PPM1E: variants seen among roughly 807,000 people sequenced by gnomAD.
PPM1E encodes protein phosphatase, Mg2+/Mn2+ dependent 1E, also known as protein phosphatase 1E.
Under a neutral mutation model 65.9 loss-of-function variants are expected in PPM1E, and 20 were observed. That is an observed-to-expected ratio of 0.30 (90% CI 0.21 to 0.44). The LOEUF (loss-of-function observed/expected upper bound fraction) is 0.44, where lower values mean the gene tolerates loss of function less well. PPM1E is among the 20% of genes least tolerant of loss of function. The probability of loss-of-function intolerance (pLI) is 1.00; values close to 1 mark genes in which losing one functional copy is unlikely to be tolerated. For missense variants in PPM1E, 713 were observed against 953.1 expected, an observed-to-expected ratio of 0.75 and a Z score of 3.32; for synonymous variants, 352 against 374.9, an observed-to-expected ratio of 0.94 and a Z score of 0.70.
chr17:58,764,529 G>C (rs777869425), intron 1 of PPM1E, among the ~76,000 whole-genome samples: 5 of 151,942 alleles, frequency 3.3e-5, no homozygotes, highest in Non-Finnish European at 7.4e-5. Context: ...TCAAACTTCT[G>C]GGCTCAAGGG....
intron 1 of PPM1E, among the ~76,000 whole-genome samples, chr17:58,864,704 G>A (rs187752583): frequency 1.4e-4 from 22 of 152,004 alleles, no homozygotes; most frequent in African/African-American, 5.1e-4. Flanking sequence ...TTGAGAGGCA[G>A]AGGTGGGTGG....
chr17:58,794,996 C>T (rs2050192617), intron 1 of PPM1E, among the ~76,000 whole-genome samples: 1 of 151,416 alleles, frequency 6.6e-6, no homozygotes, highest in Admixed American at 6.6e-5. Flanking sequence ...TCAAGCAATC[C>T]TTGTGCCTCA....
intron 1 of PPM1E, among the ~76,000 whole-genome samples, chr17:58,809,697 C>T (rs2050347771): frequency 1.3e-5 from 2 of 151,940 alleles, no homozygotes; most frequent in African/African-American, 4.8e-5. Context: ...TCATTTTTTT[C>T]ATTGCCACTT....
intron 1 of PPM1E, among the ~76,000 whole-genome samples, chr17:58,763,150 A>G (rs1320220818): frequency 6.6e-6 from 1 of 152,118 alleles, no homozygotes; most frequent in East Asian, 1.9e-4. Flanking sequence ...AAGGCTTAAC[A>G]TAATGTTAGT....
At chr17:58,815,250 C>A (rs1480997012) in intron 1 of PPM1E, among the ~76,000 whole-genome samples, 1 of 152,152 alleles carries the variant, frequency 6.6e-6, no homozygotes, top group African/African-American at 2.4e-5. Context: ...TAGCTGAATG[C>A]CATTGTGTTA....
Position 58,755,882 on chromosome 17 carries a change from C to T in PPM1E, c.-116C>T. On this transcript the variant is annotated 5_prime_UTR_variant, in exon 1 of 7. Transcript: ENST00000308249. The stretch of plus-strand genomic sequence containing the variant: ...TCCAGGCAACCTAGTGCTGATCGCT[C>T]GTGCCGGTGCGGCCGTTAACCGCCC... The T allele has an allele frequency of 6.6e-7, 1 of 1,511,716 alleles. No homozygotes were observed. Among genetic ancestry groups the T allele is most frequent in the Admixed American group, 2.2e-5 (1 of 44,858 alleles). 93.6% of individuals were successfully genotyped at this position (1,511,716 alleles called of 1,614,324 possible). A position where few individuals can be genotyped will look rare whatever the true frequency, so the allele number is the denominator to read the frequency against.
intron 1 of PPM1E, among the ~76,000 whole-genome samples, chr17:58,783,629 A>C (rs1217220929): frequency 6.6e-6 from 1 of 152,190 alleles, no homozygotes; most frequent in Non-Finnish European, 1.5e-5. Flanking sequence ...AGCCCAAAAG[A>C]AGGAAGAATT....
intron 1 of PPM1E, among the ~76,000 whole-genome samples, chr17:58,843,494 A>G (rs760617275): frequency 1.3e-5 from 2 of 151,796 alleles, no homozygotes; most frequent in Non-Finnish European, 1.5e-5. Context: ...AGCCTGGGTG[A>G]CAGAGCAAGA....
chr17:58,926,945 A>C (rs2051829865), intron 1 of PPM1E, among the ~76,000 whole-genome samples: 1 of 152,098 alleles, frequency 6.6e-6, no homozygotes, highest in Middle Eastern at 3.4e-3. Flanking sequence ...TGAAAATTAA[A>C]CTCTTGATTT....
intron 1 of PPM1E, among the ~76,000 whole-genome samples, chr17:58,892,633 GA>G (rs1210332317): frequency 6.6e-6 from 1 of 152,080 alleles, no homozygotes; most frequent in Non-Finnish European, 1.5e-5. Flanking sequence ...CGCTGCAGAG[GA>G]CACTGTCAGG....
chr17:58,911,635 A>G (rs1450733673), intron 1 of PPM1E, among the ~76,000 whole-genome samples: 1 of 152,228 alleles, frequency 6.6e-6, no homozygotes, highest in Non-Finnish European at 1.5e-5. Context: ...AAATGCAGAT[A>G]ACCCTGAAGC....
At chr17:58,893,961 C>CTAT (rs1354054844) in intron 1 of PPM1E, among the ~76,000 whole-genome samples, 1 of 151,962 alleles carries the variant, frequency 6.6e-6, no homozygotes, top group East Asian at 1.9e-4. Flanking sequence ...GTAGTCCCAG[C>CTAT]TATTTGGGAG....
chr17:58,805,993 A>AAAAAAAAAAAAAAAAAAAAAT (rs1963870156), intron 1 of PPM1E, among the ~76,000 whole-genome samples: 1 of 120,652 alleles, frequency 8.3e-6, no homozygotes, highest in African/African-American at 3.8e-5. Flanking sequence ...AACAAAACAA[A>AAAAAAAAAAAAAAAAAAAAAT]ACAAAACAAA....
chr17:58,825,594 T>C (rs2143154509), intron 1 of PPM1E, among the ~76,000 whole-genome samples: 1 of 152,178 alleles, frequency 6.6e-6, no homozygotes, highest in African/African-American at 2.4e-5. Flanking sequence ...AAACAGAGTC[T>C]CACTTTGTTG....
intron 1 of PPM1E, among the ~76,000 whole-genome samples, chr17:58,849,637 CAGTT>C (rs142045678): frequency 0.15 from 23,314 of 151,920 alleles, 2,588 homozygotes; most frequent in East Asian, 0.31. Flanking sequence ...GTCTGAGAGA[CAGTT>C]TGTTATAATT....
chr17:58,818,490 G>A (rs1041338389), intron 1 of PPM1E, among the ~76,000 whole-genome samples: 2 of 152,134 alleles, frequency 1.3e-5, no homozygotes, highest in Non-Finnish European at 2.9e-5. Flanking sequence ...TAATATTACT[G>A]TTGTAAGGGC....
chr17:58,938,625 C>T (rs2052018260), intron 1 of PPM1E, among the ~76,000 whole-genome samples: 1 of 151,758 alleles, frequency 6.6e-6, no homozygotes, highest in African/African-American at 2.4e-5. Flanking sequence ...TAACAAGGAC[C>T]CATATATAAT....
At chr17:58,918,650 CAA>C (rs1463714613) in intron 1 of PPM1E, among the ~76,000 whole-genome samples, 17 of 151,472 alleles carry the variant, frequency 1.1e-4, no homozygotes, top group African/African-American at 4.1e-4. Context: ...TACTAAAATA[CAA>C]AAAATTCGCC....
rs368821823 is a variant in PPM1E, at chr17:58,984,163, G to C, written c.*3132G>C. On this transcript the variant is annotated 3_prime_UTR_variant, in exon 7 of 7. Coordinates refer to ENST00000308249, the MANE Select transcript of PPM1E (RefSeq NM_014906.5). Reference sequence around the variant, plus strand: ...TTAAAGTTACTGTTGCATTTAGGAGGCTCCTTGAAAGTAACACCTTTTCCA... The same window carrying C: ...TTAAAGTTACTGTTGCATTTAGGAGCCTCCTTGAAAGTAACACCTTTTCCA... 6.6e-6 allele frequency: 1 copy of C among 152,540 alleles called. No individual in the cohort carries two copies. Among genetic ancestry groups the C allele is most frequent in the African/African-American group, 2.4e-5 (1 of 41,396 alleles). 9.4% of individuals were successfully genotyped at this position (152,540 alleles called of 1,614,324 possible). A position where few individuals can be genotyped will look rare whatever the true frequency, so the allele number is the denominator to read the frequency against.
Sources: gnomAD v4.1 joint callset for allele counts (sites outside exome capture counted in the v4.1 genomes callset) on GRCh38, gnomAD v4.1.1 for gene constraint, MANE v1.5 for transcripts, NCBI Gene and HGNC (gene_info 2026-07-23, HGNC 2026-07-21) for gene names.